Variants in TSNARE1 observed in about 807,000 individuals in gnomAD.
TSNARE1 encodes t-SNARE domain containing 1.
In TSNARE1, 49 loss-of-function variants were observed where a neutral mutation model predicts 62.0. The observed-to-expected ratio is 0.79, with a 90% CI of 0.63 to 1.00. TSNARE1 has a LOEUF of 1.00. Ranked by LOEUF, TSNARE1 falls within the 50% of genes least tolerant of loss-of-function variation. The pLI is 0.00. For synonymous variants in TSNARE1, 328 were observed against 294.4 expected (o/e 1.11, Z -1.17); for missense variants, 755 against 700.1 (o/e 1.08, Z -0.88).
rs1817561258 is a variant in TSNARE1, at chr8:142,238,845, C to T, written c.1447-9266G>A. Among the ~76,000 whole-genome samples, 4 of 146,386 alleles carry T rather than the reference C, an allele frequency of 2.7e-5. No individual in the cohort carries two copies. In the Admixed American group the frequency reaches 2.8e-4, roughly 10 times the overall value. ...CCAAACACCTGTCTCCCCTTCCTCACCTGGCTCCTGCCTACTCAGTCTCCC... is the reference window on the plus strand; with the variant it reads ...CCAAACACCTGTCTCCCCTTCCTCATCTGGCTCCTGCCTACTCAGTCTCCC... On this transcript the variant is annotated intron_variant, in intron 12 of 13. Transcript: ENST00000524325.
intron 1 of TSNARE1, among the ~76,000 whole-genome samples, chr8:142,392,806 G>A (rs749807060): frequency 1.3e-5 from 2 of 152,164 alleles, no homozygotes; most frequent in African/African-American, 2.4e-5. Flanking sequence ...CGGGCATGGT[G>A]ACACATGCCT....
At chr8:142,236,555 A>C (rs7828173) in intron 12 of TSNARE1, among the ~76,000 whole-genome samples, 76,031 of 147,200 alleles carry the variant, frequency 0.52, 19,864 homozygotes, top group African/African-American at 0.62. Flanking sequence ...GCTGATCCCC[A>C]TGTCCCCAGG....
chr8:142,300,842 G>A (rs978994629), intron 9 of TSNARE1, among the ~76,000 whole-genome samples, 198 bp from the exon 10 acceptor site: 6 of 152,098 alleles, frequency 3.9e-5, no homozygotes, highest in Admixed American at 6.5e-5. Flanking sequence ...CCCAGGCGCC[G>A]GTCACCTGGG....
At chr8:142,253,989 C>T (rs376637829) in intron 12 of TSNARE1, among the ~76,000 whole-genome samples, 5 of 152,342 alleles carry the variant, frequency 3.3e-5, no homozygotes, top group Admixed American at 1.3e-4. Flanking sequence ...TGAGAGAAGA[C>T]GCCAAGCCTT....
chr8:142,258,477 CT>C (rs56675860), intron 12 of TSNARE1, among the ~76,000 whole-genome samples: 1,834 of 107,172 alleles, frequency 0.017, 29 homozygotes, highest in African/African-American at 0.055. Flanking sequence ...AGAACTTGTG[CT>C]TTTTTTTTTT....
In TSNARE1 at chr8:142,344,410, G is replaced by A. The variant is rs755899900; in HGVS notation, c.301C>T (p.Pro101Ser). 1.8e-5 allele frequency: 28 copies of A among 1,588,986 alleles called. No individual in the cohort carries two copies. The highest frequency in any genetic ancestry group is 3.6e-5 in the Admixed American group (2 of 55,356). The change falls in exon 4 of 14, where the codon CCG (proline) becomes TCG (serine). Residue 101 changes from proline (P) to serine (S), a missense_variant. By Grantham distance (74) the Pro-to-Ser change is moderately conservative. Transcript: ENST00000524325. ...GGCCCAGCAGCCGAGTCCTTCCTCG[G>A]GCCAATGGTGGGTGATGAGGTGGGC... ...PEPTSSPTIGPRKDSAAGPHG... is the reference protein window; with the variant it reads ...PEPTSSPTIGSRKDSAAGPHG...
chr8:142,247,966 G>A (rs1356711847), intron 12 of TSNARE1: 1 of 152,324 alleles, frequency 6.6e-6, no homozygotes, highest in Non-Finnish European at 1.5e-5. Context: ...TTTGCATGTG[G>A]GAAGGACATG....
Position 142,354,624 on chromosome 8 carries a change from C to G in TSNARE1, c.88+13G>C. On this transcript the variant is annotated intron_variant, in intron 2 of 13. Coordinates refer to ENST00000524325, the MANE Select transcript of TSNARE1 (RefSeq NM_145003.5). ...CCCTCCTCCCCGCCCCCACTTCCAGCTACTATCATTACCTAGGGGCTGACA... is the reference window on the plus strand; with the variant it reads ...CCCTCCTCCCCGCCCCCACTTCCAGGTACTATCATTACCTAGGGGCTGACA... The G allele has an allele frequency of 6.2e-7, 1 of 1,603,496 alleles. No homozygotes were observed. Among genetic ancestry groups the G allele is most frequent in the South Asian group, 1.1e-5 (1 of 90,672 alleles).
intron 9 of TSNARE1, among the ~76,000 whole-genome samples, chr8:142,305,453 C>T (rs1368815096): frequency 3.3e-5 from 5 of 151,734 alleles, no homozygotes; most frequent in Admixed American, 6.6e-5. Flanking sequence ...CACTGGGATG[C>T]GAGCCGTGTG....
intron 12 of TSNARE1, among the ~76,000 whole-genome samples, chr8:142,264,214 CCAAA>C (rs1484729707): frequency 8.5e-5 from 13 of 152,144 alleles, no homozygotes; most frequent in Admixed American, 5.2e-4. Flanking sequence ...TTTAAAATTT[CCAAA>C]CATACAATGA....
At chr8:142,315,239 G>A (rs532149715) in intron 7 of TSNARE1, 147 bp from the exon 8 acceptor site, 42 of 790,656 alleles carry the variant, frequency 5.3e-5, no homozygotes, top group African/African-American at 4.6e-4. Flanking sequence ...CCGTGTCACC[G>A]TCGTCTCCAC....
chr8:142,392,428 T>C (rs1220706143), intron 1 of TSNARE1, among the ~76,000 whole-genome samples: 2 of 152,232 alleles, frequency 1.3e-5, no homozygotes, highest in Non-Finnish European at 2.9e-5. Flanking sequence ...ACGTAGCGTA[T>C]GTGCTGAACT....
At chr8:142,296,677 AGG>A (rs1359270668) in intron 10 of TSNARE1, among the ~76,000 whole-genome samples, 1 of 151,782 alleles carries the variant, frequency 6.6e-6, no homozygotes, top group African/African-American at 2.4e-5. Flanking sequence ...AGGGCAGTCG[AGG>A]GCAGTGGGGA....
intron 1 of TSNARE1, among the ~76,000 whole-genome samples, chr8:142,383,361 C>T (rs1336044990): frequency 2.0e-5 from 3 of 152,282 alleles, no homozygotes; most frequent in East Asian, 1.9e-4. Context: ...AGACAAGGCA[C>T]CACCCAGTAC....
intron 12 of TSNARE1, among the ~76,000 whole-genome samples, chr8:142,243,166 C>T (rs1054515479): frequency 5.9e-5 from 9 of 152,174 alleles, no homozygotes; most frequent in Non-Finnish European, 1.2e-4. Flanking sequence ...TGTAAATTAG[C>T]GCAGCCATCA....
chr8:142,388,094 TTTCA>T (rs1837226255), intron 1 of TSNARE1, among the ~76,000 whole-genome samples: 1 of 152,200 alleles, frequency 6.6e-6, no homozygotes, highest in Non-Finnish European at 1.5e-5. Context: ...TTTAAGAATC[TTTCA>T]TTATTAGCAA....
chr8:142,372,073 G>A (rs1251736445), intron 1 of TSNARE1, among the ~76,000 whole-genome samples: 1 of 152,196 alleles, frequency 6.6e-6, no homozygotes, highest in Non-Finnish European at 1.5e-5. Context: ...GGCTGTGAGA[G>A]GAGGTGGTGG....
chr8:142,279,834 G>T, intron 11 of TSNARE1: 1 of 1,014,730 alleles, frequency 9.9e-7, no homozygotes, highest in Non-Finnish European at 1.2e-6. Context: ...GTCCGGGGGG[G>T]CGGGCTGTGG....
chr8:142,276,827 G>T (rs538138857), intron 11 of TSNARE1: 1 of 985,422 alleles, frequency 1.0e-6, no homozygotes, highest in South Asian at 4.7e-5. Flanking sequence ...CGGTCCCAGG[G>T]GCATTCTTAG....
Sources: allele counts gnomAD v4.1 joint callset (sites outside exome capture counted in the v4.1 genomes callset), GRCh38; gene constraint gnomAD v4.1.1; transcripts MANE v1.5; gene names NCBI Gene and HGNC (gene_info 2026-07-23, HGNC 2026-07-21).